The following ANGPT1 variants were observed in gnomAD, a reference collection of about 807,000 sequenced individuals.
ANGPT1 encodes the protein angiopoietin-1.
ANGPT1 carries 17 observed loss-of-function variants against 62.2 expected under a neutral mutation model. That is an observed-to-expected ratio of 0.27 (90% CI 0.19 to 0.41). The LOEUF is 0.41. Among genes scored for constraint, ANGPT1 ranks in the 10% least tolerant of loss-of-function variants. ANGPT1 has a pLI of 1.00. For missense variants in ANGPT1, 478 were observed against 594.9 expected, an observed-to-expected ratio of 0.80 and a Z score of 2.04; for synonymous variants, 199 against 198.9, an observed-to-expected ratio of 1.00 and a Z score of 0.00.
At chr8:107,340,118 A>G (rs534618611) in intron 2 of ANGPT1, among the ~76,000 whole-genome samples, 20 of 152,332 alleles carry the variant, frequency 1.3e-4, no homozygotes, top group Admixed American at 6.5e-4. Flanking sequence ...CCATGCGACT[A>G]TGGAATTCGC....
At chr8:107,290,344 A>G (rs1814243709) in intron 6 of ANGPT1, among the ~76,000 whole-genome samples, 1 of 152,162 alleles carries the variant, frequency 6.6e-6, no homozygotes, top group South Asian at 2.1e-4. Flanking sequence ...GTAGCATCCT[A>G]GTATATATAA....
chr8:107,463,824 G>C (rs1326778984), intron 1 of ANGPT1, among the ~76,000 whole-genome samples: 1 of 152,010 alleles, frequency 6.6e-6, no homozygotes, highest in Non-Finnish European at 1.5e-5. Flanking sequence ...GATTTCTCTA[G>C]GTAACTTTCG....
At chr8:107,311,185 GAC>G (rs920019893) in intron 4 of ANGPT1, among the ~76,000 whole-genome samples, 6 of 147,710 alleles carry the variant, frequency 4.1e-5, no homozygotes, top group African/African-American at 1.1e-4. Flanking sequence ...GTGAGGAAAA[GAC>G]AGAAAATTTT....
intron 6 of ANGPT1, among the ~76,000 whole-genome samples, chr8:107,288,956 A>G (rs909304942): frequency 8.5e-5 from 13 of 152,188 alleles, no homozygotes; most frequent in African/African-American, 2.7e-4. Context: ...GAAAGTATAT[A>G]TGAAATTCTG....
At chr8:107,451,850 T>C (rs1811785678) in intron 1 of ANGPT1, among the ~76,000 whole-genome samples, 1 of 152,146 alleles carries the variant, frequency 6.6e-6, no homozygotes, top group Middle Eastern at 3.4e-3. Flanking sequence ...TACCTTTTTA[T>C]TTGACTGCCA....
intron 1 of ANGPT1, among the ~76,000 whole-genome samples, chr8:107,476,441 G>A (rs376174380): frequency 3.9e-5 from 6 of 151,982 alleles, no homozygotes; most frequent in East Asian, 1.9e-4. Context: ...GTCATGGGGT[G>A]GGGGGGAGCA....
intron 4 of ANGPT1, among the ~76,000 whole-genome samples, chr8:107,308,701 T>A (rs1401402712): frequency 6.6e-6 from 1 of 152,176 alleles, no homozygotes; most frequent in Non-Finnish European, 1.5e-5. Context: ...AGCAAATAAA[T>A]CTAGAAAGTC....
At chr8:107,270,566 C>G (rs1046019165) in intron 7 of ANGPT1, among the ~76,000 whole-genome samples, 1 of 151,996 alleles carries the variant, frequency 6.6e-6, no homozygotes. Flanking sequence ...AATCCTACCC[C>G]CTTTCCACTG....
intron 1 of ANGPT1, among the ~76,000 whole-genome samples, chr8:107,495,995 C>T (rs1349852756): frequency 6.6e-6 from 1 of 152,140 alleles, no homozygotes; most frequent in African/African-American, 2.4e-5. Flanking sequence ...AGTTCAGTCC[C>T]TAGTGGACAA....
At chr8:107,428,331 C>G (rs1457063574) in intron 1 of ANGPT1, among the ~76,000 whole-genome samples, 1 of 152,118 alleles carries the variant, frequency 6.6e-6, no homozygotes, top group African/African-American at 2.4e-5. Context: ...TGAGAGATTA[C>G]AAAAGAGCTA....
intron 4 of ANGPT1, among the ~76,000 whole-genome samples, chr8:107,311,428 T>C (rs996438833): frequency 2.0e-5 from 3 of 152,072 alleles, no homozygotes; most frequent in African/African-American, 7.2e-5. Flanking sequence ...CATTTAAAAA[T>C]TTTCATAAAA....
chr8:107,320,128 A>G (rs1239681826), intron 4 of ANGPT1, among the ~76,000 whole-genome samples: 2 of 152,186 alleles, frequency 1.3e-5, no homozygotes, highest in South Asian at 4.1e-4. Flanking sequence ...CTGAATGGCT[A>G]TGAAGGGTAC....
At chr8:107,434,078 A>C (rs1408526873) in intron 1 of ANGPT1, among the ~76,000 whole-genome samples, 1 of 152,226 alleles carries the variant, frequency 6.6e-6, no homozygotes, top group African/African-American at 2.4e-5. Context: ...GATTGAGGAA[A>C]GGGGTGACTA....
At chr8:107,252,218 C>T (rs980319977) in intron 8 of ANGPT1, among the ~76,000 whole-genome samples, 3 of 152,154 alleles carry the variant, frequency 2.0e-5, no homozygotes, top group African/African-American at 7.2e-5. Flanking sequence ...TATGACCCAT[C>T]ACAGACAGCA....
At chr8:107,354,132 A>C (rs571196071) in intron 1 of ANGPT1, among the ~76,000 whole-genome samples, 1 of 152,234 alleles carries the variant, frequency 6.6e-6, no homozygotes, top group East Asian at 1.9e-4. Context: ...TTGGGCCAGG[A>C]CCCAGGAAAG....
At chr8:107,299,961 AC>A (rs1244132936) in intron 5 of ANGPT1, among the ~76,000 whole-genome samples, 1 of 135,382 alleles carries the variant, frequency 7.4e-6, no homozygotes, top group African/African-American at 2.8e-5. Context: ...CTGTATATAT[AC>A]TATATACTAG....
intron 1 of ANGPT1, among the ~76,000 whole-genome samples, chr8:107,374,496 G>T (rs1816486234): frequency 6.6e-6 from 1 of 152,156 alleles, no homozygotes; most frequent in African/African-American, 2.4e-5. Context: ...GCCAGCCAAG[G>T]GTGTAAGTGG....
intron 1 of ANGPT1, among the ~76,000 whole-genome samples, chr8:107,424,881 A>T (rs891259153): frequency 6.6e-6 from 1 of 152,194 alleles, no homozygotes; most frequent in Non-Finnish European, 1.5e-5. Context: ...TTTTTTAAAA[A>T]AATATTTTTC....
intron 1 of ANGPT1, among the ~76,000 whole-genome samples, chr8:107,474,145 T>G (rs1045890464): frequency 1.3e-5 from 2 of 152,048 alleles, no homozygotes; most frequent in African/African-American, 2.4e-5. Flanking sequence ...AAAAGAGAAT[T>G]TTAGATGAAT....
Sources: gnomAD v4.1 joint callset for allele counts (sites outside exome capture counted in the v4.1 genomes callset) on GRCh38, gnomAD v4.1.1 for gene constraint, MANE v1.5 for transcripts, NCBI Gene and HGNC (gene_info 2026-07-23, HGNC 2026-07-21) for gene names.